BTK: variants seen among roughly 807,000 people sequenced by gnomAD.
BTK encodes the protein tyrosine-protein kinase BTK.
Under a neutral mutation model 57.4 loss-of-function variants are expected in BTK, and 5 were observed. The ratio of observed to expected loss-of-function variants is 0.09; its 90% CI spans 0.05 to 0.18. The LOEUF is 0.18. Ranked by LOEUF, BTK falls within the 10% of genes least tolerant of loss-of-function variation. The pLI, the probability that BTK is intolerant of heterozygous loss-of-function variation, is 1.00. For synonymous variants in BTK, 154 were observed against 174.3 expected, an observed-to-expected ratio of 0.88 and a Z score of 0.92; for missense variants, 194 against 501.2, an observed-to-expected ratio of 0.39 and a Z score of 5.85.
chrX:101,383,537 C>CTT lies in BTK; in HGVS notation c.-31+2523_-31+2524dup, dbSNP rs1199915049. On this transcript the variant is annotated intron_variant, in intron 1 of 18. Transcript: ENST00000308731. ...AACTCTGGTTTTACTGCAGACAAAT[C>CTT]TTTTTTTTTTTTCATTGAGTCAATG... Among the ~76,000 whole-genome samples the CTT allele has an allele frequency of 1.4e-3, 143 of 103,779 alleles. 1 individual carries two copies. The highest frequency in any genetic ancestry group is 4.5e-3 in the African/African-American group (129 of 28,634). The allele number at this position is 103,779 out of a possible 115,157, so 90.1% of individuals were successfully genotyped here. A position where few individuals can be genotyped will look rare whatever the true frequency, so the allele number is the denominator to read the frequency against.
At chrX:101,352,854 G>A (rs1255116507) in intron 18 of BTK, among the ~76,000 whole-genome samples, 2 of 107,122 alleles carry the variant, frequency 1.9e-5, no homozygotes, top group East Asian at 2.9e-4. Flanking sequence ...AGCCAAAATC[G>A]TGCCACTGCA....
chrX:101,362,416 C>T, intron 6 of BTK, 145 bp downstream of exon 6: 1 of 992,857 alleles, frequency 1.0e-6, no homozygotes, highest in Admixed American at 2.2e-5. Flanking sequence ...ATTTCAGCCC[C>T]CATGTGCCTC....
At chrX:101,354,748 G>T in intron 15 of BTK, 54 bp from the exon 16 acceptor site, 1 of 1,118,473 alleles carries the variant, frequency 8.9e-7, no homozygotes, top group Non-Finnish European at 1.2e-6. Flanking sequence ...GAGGTTAAAG[G>T]CACAAAGCTT....
At chrX:101,362,288 G>C in intron 6 of BTK, 48 bp from the exon 7 acceptor site, 2 of 1,180,337 alleles carry the variant, frequency 1.7e-6, no homozygotes, top group Non-Finnish European at 1.2e-6. Flanking sequence ...TTTAGGAAAG[G>C]GGCCAAGGAC....
At chrX:101,359,992 A>C (rs1569292594) in intron 9 of BTK, 96 bp downstream of exon 9, 1 of 212,408 alleles carries the variant, frequency 4.7e-6, no homozygotes, top group Non-Finnish European at 7.6e-6. Context: ...TATATATATA[A>C]ATATATATAA....
Position 101,358,420 on chromosome X carries a change from A to G in BTK, c.992T>C (p.Ile331Thr), listed in dbSNP as rs1245476951. ...AKSTGDPQGV[I>T]RHYVVCSTPQ... is the part of the protein sequence containing the mutation. ...TGTGGAACACACAACATAATGACGT[A>G]TCACCCCTTGAGGGTCCCTGAAGAA... Residue 331 changes from isoleucine to threonine, a missense_variant, in exon 12 of 19, where the codon ATA (isoleucine) becomes ACA (threonine). Physicochemically the swap from Ile to Thr is moderately conservative, Grantham distance 89. This residue lies in a region of BTK where 115 missense variants were observed against 258.3 expected (regional missense o/e 0.45). Transcript: ENST00000308731. 2.5e-6 allele frequency: 3 copies of G among 1,210,276 alleles called. No homozygotes were observed. Among genetic ancestry groups the G allele is most frequent in the East Asian group, 3.0e-5 (1 of 33,777 alleles).
intron 11 of BTK, 22 bp downstream of exon 11, chrX:101,358,595 G>T (rs782721439): frequency 1.7e-6 from 2 of 1,198,807 alleles, no homozygotes; most frequent in Non-Finnish European, 2.3e-6. Context: ...TGTCCTCAGG[G>T]CCTTGGAATA....
intron 6 of BTK, 82 bp downstream of exon 6, chrX:101,362,479 A>G (rs1001446026): frequency 2.5e-5 from 30 of 1,185,037 alleles, no homozygotes; most frequent in African/African-American, 1.8e-4. Context: ...ACCTTATGCT[A>G]TGACCCTGGG....
At chrX:101,377,127 A>C (rs935123120) in intron 1 of BTK, among the ~76,000 whole-genome samples, 1 of 111,472 alleles carries the variant, frequency 9.0e-6, no homozygotes, top group Non-Finnish European at 1.9e-5. Context: ...CCACCCTGCC[A>C]CACACCCTGA....
At chrX:101,375,397 CA>C in intron 1 of BTK, 83 bp from the exon 2 acceptor site, 1 of 949,753 alleles carries the variant, frequency 1.1e-6, no homozygotes, top group East Asian at 3.1e-5. Flanking sequence ...TACCTAGTTT[CA>C]AATGGAACAA....
At chrX:101,354,914 G>A (rs1186963683) in intron 15 of BTK, among the ~76,000 whole-genome samples, 1 of 112,019 alleles carries the variant, frequency 8.9e-6, no homozygotes, top group Non-Finnish European at 1.9e-5. Flanking sequence ...AAAGCACTGA[G>A]GACATACAGA....
chrX:101,354,801 C>T (rs1293117374), intron 15 of BTK, 107 bp from the exon 16 acceptor site: 10 of 735,522 alleles, frequency 1.4e-5, no homozygotes, highest in East Asian at 9.5e-5. Flanking sequence ...TCATCTCCTT[C>T]GACTACAGAC....
chrX:101,377,337 T>C (rs1603021688), intron 1 of BTK, among the ~76,000 whole-genome samples: 1 of 111,778 alleles, frequency 8.9e-6, no homozygotes, highest in East Asian at 2.8e-4. Context: ...CCTGTAATCA[T>C]ACCACAATTA....
chrX:101,372,687 C>T (rs1038030706), intron 3 of BTK, among the ~76,000 whole-genome samples: 49 of 108,597 alleles, frequency 4.5e-4, no homozygotes, highest in Non-Finnish European at 8.3e-4. Flanking sequence ...GCTCATGATC[C>T]GCCTGCCTTG....
chrX:101,368,856 G>A (rs1285179881), intron 5 of BTK, among the ~76,000 whole-genome samples: 1 of 112,107 alleles, frequency 8.9e-6, no homozygotes, highest in African/African-American at 3.2e-5. Context: ...TGCATTCAAG[G>A]GAGTGTACAA....
At chrX:101,388,315 T>C (rs1555982754), upstream of BTK, among the ~76,000 whole-genome samples, 2 of 111,052 alleles carry the variant, frequency 1.8e-5, no homozygotes, top group Admixed American at 1.9e-4. Context: ...CAAGTAGACG[T>C]AGGCTTTTCT....
At position 101,349,608 on chromosome X, in the gene BTK, A is replaced by G. The variant is rs1926204262; in HGVS notation, c.*277T>C. The G allele has an allele frequency of 3.0e-6, 1 of 336,766 alleles. No individual in the cohort carries two copies. Among genetic ancestry groups the G allele is most frequent in the Non-Finnish European group, 5.2e-6 (1 of 192,743 alleles). The allele number at this position is 336,766 out of a possible 1,213,427, so 27.8% of individuals were successfully genotyped here. On this transcript the variant is annotated 3_prime_UTR_variant, in exon 19 of 19. Transcript: ENST00000308731. ...AGCTGTTGGACCCCTTTGTGCGGCT[A>G]TTTACATCCTCCCTCCTAAAAAATA...
chrX:101,359,266 G>A (rs782398566), intron 10 of BTK, 27 bp downstream of exon 10: 2 of 1,206,279 alleles, frequency 1.7e-6, no homozygotes, highest in East Asian at 3.0e-5. Flanking sequence ...CAAGGAGAAT[G>A]CTGTGTGCTA....
At chrX:101,387,218 AT>A (rs1371653704), upstream of BTK, among the ~76,000 whole-genome samples, 1 of 111,302 alleles carries the variant, frequency 9.0e-6, no homozygotes, top group Non-Finnish European at 1.9e-5. Context: ...AACAAAAAAA[AT>A]GGGGTATATG....
Sources: gnomAD v4.1 joint callset for allele counts (sites outside exome capture counted in the v4.1 genomes callset) on GRCh38, gnomAD v4.1.1 for gene constraint, gnomAD v4.1.1 regional missense constraint, MANE v1.5 for transcripts, NCBI Gene and HGNC (gene_info 2026-07-23, HGNC 2026-07-21) for gene names.